Variants in PAG1 observed in about 807,000 individuals in gnomAD.
The protein encoded by PAG1 is phosphoprotein membrane anchor with glycosphingolipid microdomains 1.
Under a neutral mutation model 31.7 loss-of-function variants are expected in PAG1, and 23 were observed. That is an observed-to-expected ratio of 0.73 (90% confidence interval 0.52 to 1.03). PAG1 has a LOEUF of 1.03. Among genes scored for constraint, PAG1 ranks in the 50% least tolerant of loss-of-function variants. PAG1 has a pLI of 0.00. For synonymous variants in PAG1, 214 were observed against 210.3 expected (o/e 1.02, Z -0.15); for missense variants, 473 against 540.7 (o/e 0.87, Z 1.24).
intron 6 of PAG1, among the ~76,000 whole-genome samples, chr8:80,986,848 G>A (rs1009223111): frequency 5.9e-5 from 9 of 151,688 alleles, no homozygotes; most frequent in African/African-American, 2.2e-4. Flanking sequence ...ATGAGGGAGA[G>A]GCCAATGGAT....
chr8:81,019,060 G>C (rs1166284241), intron 3 of PAG1, among the ~76,000 whole-genome samples: 2 of 152,212 alleles, frequency 1.3e-5, no homozygotes, highest in Non-Finnish European at 2.9e-5. Context: ...TTGGGAACTG[G>C]AGTAAAGATC....
rs566418865 is a variant in PAG1 at position 81,097,615 on chromosome 8, TA to T, written c.-234+13975del. ...CTGTGGGTAGGAAAGGCGAGGTTCG[TA>T]ATTTCACAACCAAATGGCAATGATT... is the stretch of plus-strand genomic sequence containing the variant. On this transcript the variant is annotated intron_variant, in intron 1 of 8. Coordinates refer to ENST00000220597, the MANE Select transcript of PAG1 (RefSeq NM_018440.4). 1.3e-4 allele frequency among the ~76,000 whole-genome samples: 20 copies of T among 152,012 alleles called. No homozygotes were observed. In the Middle Eastern group the frequency reaches 0.01, roughly 78 times the overall value.
chr8:81,080,490 A>G (rs1200130239), intron 1 of PAG1, among the ~76,000 whole-genome samples: 1 of 152,160 alleles, frequency 6.6e-6, no homozygotes, highest in Non-Finnish European at 1.5e-5. Flanking sequence ...ACAGTGTTGC[A>G]CAATAAAAAC....
rs1807122112 is a variant in PAG1 at position 80,973,594 on chromosome 8, T to C, written c.*2950A>G. ...TAAATTTCACATAACCTGCTATAATTCGCTGTAAAAAATGGATGTCAAAAT... is the reference window on the plus strand; with the variant it reads ...TAAATTTCACATAACCTGCTATAATCCGCTGTAAAAAATGGATGTCAAAAT... On this transcript the variant is annotated 3_prime_UTR_variant, in exon 9 of 9. Transcript: ENST00000220597. 6.6e-6 allele frequency: 1 copy of C among 152,242 alleles called. No individual in the cohort carries two copies. Among genetic ancestry groups the C allele is most frequent in the African/African-American group, 2.4e-5 (1 of 41,454 alleles). 9.4% of individuals were successfully genotyped at this position (152,242 alleles called of 1,614,324 possible).
At chr8:81,047,882 TAGAG>T (rs145648361) in intron 2 of PAG1, among the ~76,000 whole-genome samples, 3,024 of 152,208 alleles carry the variant, frequency 0.02, 96 homozygotes, top group African/African-American at 0.063. Flanking sequence ...AGATAAACTA[TAGAG>T]AGAATCATGC....
In PAG1 at chr8:80,978,570, T is replaced by C. The variant is rs1438723683; in HGVS notation, c.937-1664A>G. Among the ~76,000 whole-genome samples, 4 of 152,196 alleles carry C rather than the reference T, an allele frequency of 2.6e-5. No homozygotes were observed. In the East Asian group the frequency reaches 5.8e-4, roughly 22 times the overall value. On this transcript the variant is annotated intron_variant, in intron 8 of 8. Transcript: ENST00000220597. ...ATGAGAGTCAGCCCCTCACCACCGT[T>C]AGCTTCTCTCCTCAGCTTTCTTCCC...
At chr8:81,107,491 C>T (rs1809711441) in intron 1 of PAG1, among the ~76,000 whole-genome samples, 1 of 152,188 alleles carries the variant, frequency 6.6e-6, no homozygotes, top group Non-Finnish European at 1.5e-5. Flanking sequence ...TTCTGGGCTC[C>T]ACTCTTTACT....
At chr8:81,007,618 C>T (rs1335001610) in intron 3 of PAG1, among the ~76,000 whole-genome samples, 2 of 104,514 alleles carry the variant, frequency 1.9e-5, no homozygotes, top group Non-Finnish European at 3.5e-5. Context: ...GCCTGGGTGA[C>T]AGAGCAAGAC....
intron 2 of PAG1, among the ~76,000 whole-genome samples, chr8:81,052,251 G>A (rs1006946652): frequency 9.9e-5 from 15 of 152,092 alleles, no homozygotes; most frequent in African/African-American, 3.4e-4. Context: ...TTAAAGACTT[G>A]AAAGTGATTT....
intron 1 of PAG1, among the ~76,000 whole-genome samples, chr8:81,085,398 G>C (rs1314145695): frequency 6.6e-6 from 1 of 152,112 alleles, no homozygotes; most frequent in Admixed American, 6.5e-5. Context: ...ACAGTGAAGT[G>C]ACAAGTAGCA....
At chr8:81,078,382 C>T (rs1273556665) in intron 1 of PAG1, among the ~76,000 whole-genome samples, 1 of 152,122 alleles carries the variant, frequency 6.6e-6, no homozygotes, top group East Asian at 1.9e-4. Flanking sequence ...GGGCAAAATA[C>T]CTTCCTAACA....
At chr8:81,092,505 A>G (rs1014478598) in intron 1 of PAG1, among the ~76,000 whole-genome samples, 32 of 152,234 alleles carry the variant, frequency 2.1e-4, no homozygotes, top group African/African-American at 7.5e-4. Flanking sequence ...AATCCATAGA[A>G]TCTACATGTC....
chr8:81,055,650 T>G (rs923287034), intron 2 of PAG1, among the ~76,000 whole-genome samples: 5 of 152,108 alleles, frequency 3.3e-5, no homozygotes, highest in African/African-American at 1.2e-4. Context: ...TGGTTTGTAG[T>G]TCTCCTTGAA....
intron 2 of PAG1, among the ~76,000 whole-genome samples, chr8:81,042,251 T>G (rs1426251808): frequency 6.6e-6 from 1 of 152,152 alleles, no homozygotes; most frequent in African/African-American, 2.4e-5. Context: ...CTTGCCCATT[T>G]CTGGGACTCA....
chr8:81,098,688 G>A (rs1809565004), intron 1 of PAG1, among the ~76,000 whole-genome samples: 1 of 152,200 alleles, frequency 6.6e-6, no homozygotes, highest in South Asian at 2.1e-4. Flanking sequence ...GCAGAGAGGT[G>A]AACCACAAAC....
At chr8:81,083,033 C>T (rs1269902709) in intron 1 of PAG1, among the ~76,000 whole-genome samples, 1 of 151,730 alleles carries the variant, frequency 6.6e-6, no homozygotes. Context: ...CTTACTTAAA[C>T]TTTCTATTTT....
intron 3 of PAG1, among the ~76,000 whole-genome samples, chr8:81,010,820 T>C (rs1266268877): frequency 6.6e-6 from 1 of 152,234 alleles, no homozygotes; most frequent in Non-Finnish European, 1.5e-5. Context: ...CTTGGTCTCC[T>C]TGACCATGAC....
intron 2 of PAG1, among the ~76,000 whole-genome samples, chr8:81,062,430 T>C (rs1808933106): frequency 6.6e-6 from 1 of 152,242 alleles, no homozygotes; most frequent in South Asian, 2.1e-4. Context: ...ATTGGCAGCA[T>C]GCCTTTGGGC....
At chr8:81,073,957 C>T (rs1485973179) in intron 1 of PAG1, among the ~76,000 whole-genome samples, 2 of 152,152 alleles carry the variant, frequency 1.3e-5, no homozygotes, top group African/African-American at 2.4e-5. Context: ...CCTCCATGTG[C>T]CCACCTTGGG....
Sources: allele counts gnomAD v4.1 joint callset (sites outside exome capture counted in the v4.1 genomes callset), GRCh38; gene constraint gnomAD v4.1.1; transcripts MANE v1.5; gene names NCBI Gene and HGNC (gene_info 2026-07-23, HGNC 2026-07-21).